ATP13A5: variants seen among roughly 807,000 people sequenced by gnomAD.
ATP13A5 encodes the protein ATPase 13A5.
In ATP13A5, 149 loss-of-function variants were observed where a neutral mutation model predicts 150.2. The ratio of observed to expected loss-of-function variants is 0.99; its 90% CI spans 0.87 to 1.14. ATP13A5 has a LOEUF of 1.14. Among genes scored for constraint, ATP13A5 ranks in the 50% most tolerant of loss-of-function variants. The pLI is 0.00. For synonymous variants in ATP13A5, 497 were observed against 522.2 expected, an observed-to-expected ratio of 0.95 and a Z score of 0.66; for missense variants, 1,383 against 1,449.3, an observed-to-expected ratio of 0.95 and a Z score of 0.74.
rs1718285784 is a variant in ATP13A5 at position 193,299,049 on chromosome 3, C to G, written c.2848+82G>C. 13 of 1,230,294 alleles carry G rather than the reference C, an allele frequency of 1.1e-5. 1 individual carries two copies. In the South Asian group the frequency reaches 1.9e-4, roughly 18 times the overall value. 76.2% of individuals were successfully genotyped at this position (1,230,294 alleles called of 1,614,324 possible). A position where few individuals can be genotyped will look rare whatever the true frequency, so the allele number is the denominator to read the frequency against. ...TTTGGAAATAAGGGTGCCTCTTTCT[C>G]AAAAGTTCCTTTTTGTGTGACTGTT... On this transcript the variant is annotated intron_variant, in intron 25 of 29. Transcript: ENST00000342358.
At chr3:193,337,057 A>G (rs370959575) in intron 9 of ATP13A5, among the ~76,000 whole-genome samples, 2 of 152,058 alleles carry the variant, frequency 1.3e-5, no homozygotes, top group East Asian at 1.9e-4. Context: ...GTCTGTTCAT[A>G]TCCTTCGCCC....
intron 27 of ATP13A5, among the ~76,000 whole-genome samples, chr3:193,282,457 C>A (rs1717542660): frequency 6.6e-6 from 1 of 151,952 alleles, no homozygotes; most frequent in South Asian, 2.1e-4. Context: ...TCACTGCAAC[C>A]TCCGCCTCCT....
At chr3:193,302,548 G>C (rs1241454159) in intron 23 of ATP13A5, among the ~76,000 whole-genome samples, 4 of 152,298 alleles carry the variant, frequency 2.6e-5, no homozygotes, top group African/African-American at 9.6e-5. Flanking sequence ...CAAAATTACT[G>C]CTATTCCTAA....
chr3:193,377,973 C>A (rs1209587769), intron 1 of ATP13A5, among the ~76,000 whole-genome samples: 1 of 152,168 alleles, frequency 6.6e-6, no homozygotes, highest in Non-Finnish European at 1.5e-5. Context: ...AGGATTAGTT[C>A]TTTCATCACT....
At chr3:193,328,488 T>C (rs1280656500) in intron 12 of ATP13A5, among the ~76,000 whole-genome samples, 1 of 152,246 alleles carries the variant, frequency 6.6e-6, no homozygotes, top group Non-Finnish European at 1.5e-5. Flanking sequence ...TATGTTTTCC[T>C]GATGATGTTT....
chr3:193,339,684 C>T (rs897120167), intron 9 of ATP13A5, among the ~76,000 whole-genome samples: 3 of 151,740 alleles, frequency 2.0e-5, no homozygotes, highest in African/African-American at 7.3e-5. Context: ...CAATTGCATT[C>T]TATGGCTTCG....
At position 193,305,682 on chromosome 3, in the gene ATP13A5, C is replaced by T. The variant is rs1718586178; in HGVS notation, c.2569-14G>A. On this transcript the variant is annotated splice_polypyrimidine_tract_variant and intron_variant, in intron 22 of 29. Coordinates refer to ENST00000342358, the MANE Select transcript of ATP13A5 (RefSeq NM_198505.4). ...CGCTTTCAAAGCCTGGAATGATAAG[C>T]CCATGTCTCACCCATGACTTTTCAG... is the stretch of plus-strand genomic sequence containing the variant. 2 of 1,610,618 alleles carry T rather than the reference C, an allele frequency of 1.2e-6. No homozygotes were observed. Among genetic ancestry groups the T allele is most frequent in the East Asian group, 4.5e-5 (2 of 44,840 alleles).
At chr3:193,306,329 A>G (rs1048229996) in intron 22 of ATP13A5, among the ~76,000 whole-genome samples, 9 of 151,702 alleles carry the variant, frequency 5.9e-5, no homozygotes, top group Non-Finnish European at 1.0e-4. Flanking sequence ...CAGACAATGA[A>G]CTCTTTAGGA....
chr3:193,324,970 C>T lies in ATP13A5; in HGVS notation c.1568G>A (p.Trp523Ter). The T allele has an allele frequency of 6.2e-7, 1 of 1,614,050 alleles. No individual in the cohort carries two copies. The part of the protein sequence containing the change: ...HSFASGQAVP[W>*]SPLCAAMASC... ...GGCCATGGCCGCACACAGTGGGCTC[C>T]ATGGCACAGCCTGGCCTGAGGCAAA... is the stretch of plus-strand genomic sequence containing the variant. Residue 523 changes from tryptophan (W) to a stop codon, truncating the protein, a stop_gained, in exon 14 of 30, where the codon TGG becomes TAG. Coordinates refer to ENST00000342358, the MANE Select transcript of ATP13A5 (RefSeq NM_198505.4). LOFTEE classifies it high-confidence loss of function.
intron 27 of ATP13A5, among the ~76,000 whole-genome samples, chr3:193,283,389 T>C (rs1011979465): frequency 2.0e-5 from 3 of 148,496 alleles, no homozygotes; most frequent in Non-Finnish European, 3.0e-5. Flanking sequence ...AAACAGCTCA[T>C]ACAAATAAAT....
In ATP13A5 at chr3:193,322,862, T is replaced by C. The variant is rs773074607; in HGVS notation, c.1675-288A>G. 9.2e-5 allele frequency among the ~76,000 whole-genome samples: 14 copies of C among 152,202 alleles called. 1 individual carries two copies. ...ATGGATCTTTCTAAATGATTACATCTAGTAATTGGAGGAGGGATTAAGTGG... is the reference window on the plus strand; with the variant it reads ...ATGGATCTTTCTAAATGATTACATCCAGTAATTGGAGGAGGGATTAAGTGG... On this transcript the variant is annotated intron_variant, in intron 14 of 29. Coordinates refer to ENST00000342358, the MANE Select transcript of ATP13A5 (RefSeq NM_198505.4).
chr3:193,321,759 G>T lies in ATP13A5; in HGVS notation c.1837C>A (p.Leu613Ile). 6.2e-7 allele frequency: 1 copy of T among 1,614,204 alleles called. No homozygotes were observed. Among genetic ancestry groups the T allele is most frequent in the South Asian group, 1.1e-5 (1 of 91,086 alleles). Reference protein sequence around the residue: ...SLQRMSVIAQLAGENHFHVYM... With the variant: ...SLQRMSVIAQIAGENHFHVYM... ...ACATGGAAATGATTCTCCCCAGCTA[G>T]CTGAGCGATCACGGACATCCTCTGC... is the stretch of plus-strand genomic sequence containing the variant. Residue 613 changes from leucine to isoleucine, a missense_variant, in exon 16 of 30, where the codon CTA becomes ATA. Coordinates refer to ENST00000342358, the MANE Select transcript of ATP13A5 (RefSeq NM_198505.4).
intron 25 of ATP13A5, among the ~76,000 whole-genome samples, chr3:193,290,684 G>A (rs1717915586): frequency 1.3e-5 from 2 of 152,234 alleles, no homozygotes; most frequent in South Asian, 4.1e-4. Flanking sequence ...GCTTCTAGAT[G>A]AGAGTGTTAA....
intron 27 of ATP13A5, among the ~76,000 whole-genome samples, chr3:193,279,870 C>T (rs1317574158): frequency 6.7e-6 from 1 of 149,118 alleles, no homozygotes; most frequent in Non-Finnish European, 1.5e-5. Context: ...ATCAGCCTTT[C>T]TAACCTGGTC....
chr3:193,376,113 C>G (rs138835323), intron 1 of ATP13A5, among the ~76,000 whole-genome samples: 1 of 152,296 alleles, frequency 6.6e-6, no homozygotes, highest in Non-Finnish European at 1.5e-5. Flanking sequence ...CTTTGACCTA[C>G]TGATTGTTTT....
chr3:193,371,169 G>A (rs1471062599), intron 1 of ATP13A5, among the ~76,000 whole-genome samples: 1 of 152,170 alleles, frequency 6.6e-6, no homozygotes, highest in African/African-American at 2.4e-5. Context: ...TCAAGGGCAT[G>A]GAACAACATG....
chr3:193,303,103 C>A (rs1428357678), intron 23 of ATP13A5, among the ~76,000 whole-genome samples: 2 of 152,160 alleles, frequency 1.3e-5, no homozygotes, highest in Non-Finnish European at 2.9e-5. Context: ...AGCTCAAACT[C>A]CCTGCAAGGT....
At chr3:193,378,225 A>C (rs781139545) in intron 1 of ATP13A5, among the ~76,000 whole-genome samples, 1 of 152,174 alleles carries the variant, frequency 6.6e-6, no homozygotes, top group African/African-American at 2.4e-5. Flanking sequence ...CTCTGCGCTT[A>C]TAAAAAGCAT....
intron 23 of ATP13A5, among the ~76,000 whole-genome samples, chr3:193,302,177 G>A (rs1374198911): frequency 6.6e-6 from 1 of 152,130 alleles, no homozygotes; most frequent in Non-Finnish European, 1.5e-5. Flanking sequence ...CACCTGCTCT[G>A]CTCAAAGATG....
Sources: allele counts gnomAD v4.1 joint callset (sites outside exome capture counted in the v4.1 genomes callset), GRCh38; gene constraint gnomAD v4.1.1; transcripts MANE v1.5; gene names NCBI Gene and HGNC (gene_info 2026-07-23, HGNC 2026-07-21).